Variants in NDUFAF2 observed in about 807,000 individuals in gnomAD.
NDUFAF2 encodes NADH:ubiquinone oxidoreductase complex assembly factor 2, also known as NADH dehydrogenase [ubiquinone] 1 alpha subcomplex assembly factor 2.
In NDUFAF2, 13 loss-of-function variants were observed where a neutral mutation model predicts 22.8. The observed-to-expected ratio is 0.57, with a 90% CI of 0.37 to 0.91. NDUFAF2 has a LOEUF of 0.91. Ranked by LOEUF, NDUFAF2 falls within the 40% of genes least tolerant of loss-of-function variation. The probability of loss-of-function intolerance (pLI) is 0.01; values close to 1 mark genes in which losing one functional copy is unlikely to be tolerated. For synonymous variants in NDUFAF2, 53 were observed against 64.2 expected (o/e 0.83, Z 0.84); for missense variants, 162 against 195.2 (o/e 0.83, Z 1.01).
At chr5:61,099,102 CT>C in intron 3 of NDUFAF2, 70 bp downstream of exon 3, 1 of 1,063,982 alleles carries the variant, frequency 9.4e-7, no homozygotes, top group Non-Finnish European at 1.3e-6. Flanking sequence ...TTCAGAAAAA[CT>C]ATGATGTATT....
chr5:61,036,734 A>G (rs1177494036), intron 1 of NDUFAF2, among the ~76,000 whole-genome samples: 1 of 152,158 alleles, frequency 6.6e-6, no homozygotes. Flanking sequence ...TCTGGGATCT[A>G]GAGACAGAGT....
intron 1 of NDUFAF2, among the ~76,000 whole-genome samples, chr5:60,987,585 A>G (rs1477634420): frequency 2.0e-5 from 3 of 152,248 alleles, no homozygotes; most frequent in Non-Finnish European, 4.4e-5. Flanking sequence ...GTAATCCACC[A>G]TGATCAAGTA....
At chr5:61,091,947 A>G (rs544465224) in intron 2 of NDUFAF2, among the ~76,000 whole-genome samples, 1 of 152,304 alleles carries the variant, frequency 6.6e-6, no homozygotes, top group East Asian at 1.9e-4. Flanking sequence ...TTTATTGCAT[A>G]AGAAATTCTT....
intron 3 of NDUFAF2, among the ~76,000 whole-genome samples, chr5:61,147,433 C>CTTTATTTTTTTTTTTT (rs1561139813): frequency 2.1e-5 from 1 of 47,510 alleles, no homozygotes; most frequent in Non-Finnish European, 4.6e-5. Flanking sequence ...ATTTTTTTTT[C>CTTTATTTTTTTTTTTT]TTTCTTTTTT....
chr5:60,998,849 GA>G (rs1412321078), intron 1 of NDUFAF2, among the ~76,000 whole-genome samples: 1 of 151,754 alleles, frequency 6.6e-6, no homozygotes, highest in Non-Finnish European at 1.5e-5. Context: ...GTTAAGGTGA[GA>G]TTTTTTTCCA....
At chr5:61,112,651 C>T (rs1455624010) in intron 3 of NDUFAF2, among the ~76,000 whole-genome samples, 1 of 152,008 alleles carries the variant, frequency 6.6e-6, no homozygotes, top group Non-Finnish European at 1.5e-5. Flanking sequence ...AGTCTTTATA[C>T]GTGGTGTGTT....
At chr5:61,120,904 C>T (rs1752968518) in intron 3 of NDUFAF2, among the ~76,000 whole-genome samples, 1 of 151,962 alleles carries the variant, frequency 6.6e-6, no homozygotes, top group South Asian at 2.1e-4. Flanking sequence ...TATGTTTTTC[C>T]TCTTATTCTC....
intron 1 of NDUFAF2, among the ~76,000 whole-genome samples, chr5:60,982,814 G>C (rs1004334007): frequency 2.2e-4 from 33 of 151,736 alleles, no homozygotes; most frequent in African/African-American, 7.7e-4. Context: ...GGACATTTGG[G>C]TTGGTCCCAA....
intron 1 of NDUFAF2, among the ~76,000 whole-genome samples, chr5:61,060,977 T>A (rs1752158504): frequency 6.6e-6 from 1 of 152,068 alleles, no homozygotes; most frequent in African/African-American, 2.4e-5. Flanking sequence ...GAATAGTGGC[T>A]CAGGAAAGGA....
intron 3 of NDUFAF2, among the ~76,000 whole-genome samples, chr5:61,112,982 G>A (rs1473185404): frequency 6.6e-6 from 1 of 151,090 alleles, no homozygotes; most frequent in Non-Finnish European, 1.5e-5. Flanking sequence ...GTAAACTGCC[G>A]ACAACTTAAC....
chr5:61,048,357 G>C (rs1167698824), intron 1 of NDUFAF2, among the ~76,000 whole-genome samples: 2 of 152,094 alleles, frequency 1.3e-5, no homozygotes, highest in African/African-American at 4.8e-5. Flanking sequence ...CCTGGGGTTA[G>C]TGCCTACTCA....
At chr5:60,969,488 C>T (rs1396935198) in intron 1 of NDUFAF2, among the ~76,000 whole-genome samples, 1 of 151,994 alleles carries the variant, frequency 6.6e-6, no homozygotes. Flanking sequence ...TTTTCATATA[C>T]CTGTTTGCAA....
chr5:60,994,684 A>G (rs563983822), intron 1 of NDUFAF2, among the ~76,000 whole-genome samples: 10 of 152,282 alleles, frequency 6.6e-5, no homozygotes, highest in African/African-American at 2.4e-4. Context: ...TTTGGGTTAA[A>G]TCAGCTTGGT....
At chr5:61,091,876 G>A (rs1580129759) in intron 2 of NDUFAF2, among the ~76,000 whole-genome samples, 1 of 152,236 alleles carries the variant, frequency 6.6e-6, no homozygotes, top group Non-Finnish European at 1.5e-5. Context: ...TTTTGTGTGT[G>A]TATAAGGAAG....
At chr5:61,084,617 C>T (rs1752483626) in intron 2 of NDUFAF2, among the ~76,000 whole-genome samples, 1 of 152,110 alleles carries the variant, frequency 6.6e-6, no homozygotes, top group Non-Finnish European at 1.5e-5. Flanking sequence ...AGCATAATGT[C>T]TTCATGGTTC....
chr5:61,008,379 A>C (rs1751400700), intron 1 of NDUFAF2, among the ~76,000 whole-genome samples: 1 of 152,150 alleles, frequency 6.6e-6, no homozygotes, highest in African/African-American at 2.4e-5. Flanking sequence ...TTTGTAAGAA[A>C]GATTAACAAG....
At chr5:61,146,902 G>A (rs565808849) in intron 3 of NDUFAF2, among the ~76,000 whole-genome samples, 224 of 152,066 alleles carry the variant, frequency 1.5e-3, no homozygotes, top group Non-Finnish European at 1.5e-3. Flanking sequence ...CTTCTACAAA[G>A]AAGCACTCAA....
chr5:60,946,693 ATG>A (rs1750462786), intron 1 of NDUFAF2, among the ~76,000 whole-genome samples: 1 of 152,174 alleles, frequency 6.6e-6, no homozygotes, highest in African/African-American at 2.4e-5. Context: ...TTCACCCTTT[ATG>A]GTGTACAGTT....
chr5:61,094,386 A>G (rs1205386132), intron 2 of NDUFAF2, among the ~76,000 whole-genome samples: 2 of 152,242 alleles, frequency 1.3e-5, no homozygotes, highest in Non-Finnish European at 2.9e-5. Flanking sequence ...CAGCCTCTGC[A>G]ATGTTGTATC....
Sources: gnomAD v4.1 joint callset for allele counts (sites outside exome capture counted in the v4.1 genomes callset) on GRCh38, gnomAD v4.1.1 for gene constraint, MANE v1.5 for transcripts, NCBI Gene and HGNC (gene_info 2026-07-23, HGNC 2026-07-21) for gene names.